KIAA1549L: variants seen among roughly 807,000 people sequenced by gnomAD.
KIAA1549L encodes the protein UPF0606 protein KIAA1549L.
In KIAA1549L, 88 loss-of-function variants were observed where a neutral mutation model predicts 160.7. The ratio of observed to expected loss-of-function variants is 0.55; its 90% CI spans 0.46 to 0.65. The LOEUF (loss-of-function observed/expected upper bound fraction) is 0.65, where lower values mean the gene tolerates loss of function less well. Ranked by LOEUF, KIAA1549L falls within the 30% of genes least tolerant of loss-of-function variation. The probability of loss-of-function intolerance (pLI) is 0.00; values close to 1 mark genes in which losing one functional copy is unlikely to be tolerated. For missense variants in KIAA1549L, 2,258 were observed against 2,437.5 expected (o/e 0.93, Z 1.55); for synonymous variants, 950 against 976.7 (o/e 0.97, Z 0.51).
intron 1 of KIAA1549L, among the ~76,000 whole-genome samples, chr11:33,524,194 A>G (rs552159907): frequency 2.0e-5 from 3 of 152,282 alleles, no homozygotes; most frequent in East Asian, 1.9e-4. Flanking sequence ...GATTTTGATT[A>G]TCGACATTAT....
chr11:33,610,894 A>C (rs1017696786), intron 15 of KIAA1549L, among the ~76,000 whole-genome samples: 2 of 152,244 alleles, frequency 1.3e-5, no homozygotes, highest in Non-Finnish European at 2.9e-5. Flanking sequence ...GCATCATCCC[A>C]TGGCAGAAGG....
chr11:33,669,223 A>T lies in KIAA1549L; in HGVS notation c.*1069A>T, dbSNP rs1852591578. ...AGCTGTTGAATTTCATTTAAATGTAAATAACCTTTTAAAAAGCGTATGGAG... is the reference window on the plus strand; with the variant it reads ...AGCTGTTGAATTTCATTTAAATGTATATAACCTTTTAAAAAGCGTATGGAG... On this transcript the variant is annotated 3_prime_UTR_variant, in exon 21 of 21. Coordinates refer to ENST00000658780, the MANE Select transcript of KIAA1549L (RefSeq NM_012194.3). 6.6e-6 allele frequency: 1 copy of T among 152,316 alleles called. No individual in the cohort carries two copies. The highest frequency in any genetic ancestry group is 2.1e-4 in the South Asian group (1 of 4,824). 9.4% of individuals were successfully genotyped at this position (152,316 alleles called of 1,614,324 possible).
At chr11:33,440,341 G>A (rs1046083998) in intron 1 of KIAA1549L, among the ~76,000 whole-genome samples, 3 of 150,320 alleles carry the variant, frequency 2.0e-5, no homozygotes, top group Non-Finnish European at 4.4e-5. Context: ...GTTTTTAGCC[G>A]GGATGGTCTC....
intron 1 of KIAA1549L, among the ~76,000 whole-genome samples, chr11:33,390,363 C>A (rs1329253440): frequency 6.6e-6 from 1 of 152,208 alleles, no homozygotes; most frequent in Non-Finnish European, 1.5e-5. Flanking sequence ...TGGAGACTGG[C>A]TTTTTCTGCT....
intron 1 of KIAA1549L, among the ~76,000 whole-genome samples, chr11:33,427,596 T>C (rs569402621): frequency 1.3e-4 from 20 of 152,310 alleles, no homozygotes; most frequent in African/African-American, 4.8e-4. Context: ...GGTTCCTCAC[T>C]TCCCAATTCT....
At chr11:33,518,213 T>C (rs1332569765) in intron 1 of KIAA1549L, among the ~76,000 whole-genome samples, 1 of 150,010 alleles carries the variant, frequency 6.7e-6, no homozygotes, top group Non-Finnish European at 1.5e-5. Context: ...TTAATCTATG[T>C]CTACAGTGGT....
At chr11:33,503,151 T>G (rs1293432157) in intron 1 of KIAA1549L, among the ~76,000 whole-genome samples, 1 of 152,220 alleles carries the variant, frequency 6.6e-6, no homozygotes, top group African/African-American at 2.4e-5. Context: ...TAGATATGTT[T>G]TAAACGTTTT....
At chr11:33,378,445 T>C (rs2761207) in intron 1 of KIAA1549L, among the ~76,000 whole-genome samples, 109,503 of 152,084 alleles carry the variant, frequency 0.72, 39,691 homozygotes, top group Middle Eastern at 0.8. Flanking sequence ...CAGAGCCTGA[T>C]TTAGAGGACT....
chr11:33,436,851 A>T (rs2615905), intron 1 of KIAA1549L, among the ~76,000 whole-genome samples: 37,651 of 152,052 alleles, frequency 0.25, 4,908 homozygotes, highest in East Asian at 0.33. Context: ...GGAGTCCAGT[A>T]CTGGGCTAAG....
At chr11:33,560,884 A>G (rs1476036686) in intron 7 of KIAA1549L, among the ~76,000 whole-genome samples, 1 of 152,216 alleles carries the variant, frequency 6.6e-6, no homozygotes, top group Non-Finnish European at 1.5e-5. Context: ...CGTCCACATA[A>G]TAAGGAAAGA....
intron 16 of KIAA1549L, among the ~76,000 whole-genome samples, chr11:33,630,484 G>A (rs543434445): frequency 9.9e-5 from 15 of 152,088 alleles, no homozygotes; most frequent in South Asian, 2.1e-4. Context: ...ATCTCCTGGT[G>A]CGCCATTTTT....
In KIAA1549L at chr11:33,671,771, G is replaced by T. The variant is rs1852681730; in HGVS notation, c.*3617G>T. 1 of 152,098 alleles carries T rather than the reference G, an allele frequency of 6.6e-6. No homozygotes were observed. The highest frequency in any genetic ancestry group is 1.5e-5 in the Non-Finnish European group (1 of 68,030). The allele number at this position is 152,098 out of a possible 1,614,324, so 9.4% of individuals were successfully genotyped here. ...TCCTTTTTTTCTACATAGCACACAG[G>T]TGCTCAACATTTAATGAATAATATA... On this transcript the variant is annotated 3_prime_UTR_variant, in exon 21 of 21. Coordinates refer to ENST00000658780, the MANE Select transcript of KIAA1549L (RefSeq NM_012194.3).
In KIAA1549L at chr11:33,672,795, A is replaced by G. The variant is rs1286267744; in HGVS notation, c.*4641A>G. 1.3e-5 allele frequency: 2 copies of G among 153,814 alleles called. No individual in the cohort carries two copies. Among genetic ancestry groups the G allele is most frequent in the East Asian group, 3.8e-4 (2 of 5,198 alleles). The allele number at this position is 153,814 out of a possible 1,614,324, so 9.5% of individuals were successfully genotyped here. The stretch of plus-strand genomic sequence containing the variant: ...GCTGGGTCTAGGAAGCGATTTCTGA[A>G]CAAGGCCCAGTTAGCACAATGTCTT... On this transcript the variant is annotated 3_prime_UTR_variant, in exon 21 of 21. Transcript: ENST00000658780.
intron 16 of KIAA1549L, among the ~76,000 whole-genome samples, chr11:33,631,334 T>A (rs1057408799): frequency 1.3e-5 from 2 of 152,124 alleles, no homozygotes; most frequent in African/African-American, 2.4e-5. Context: ...TCCCCAAACT[T>A]GTCCTGTGGT....
chr11:33,475,750 A>C (rs964899451), intron 1 of KIAA1549L, among the ~76,000 whole-genome samples: 3 of 151,878 alleles, frequency 2.0e-5, no homozygotes, highest in Non-Finnish European at 4.4e-5. Flanking sequence ...CCAGCTGCTC[A>C]GAAGGCTGAG....
intron 1 of KIAA1549L, among the ~76,000 whole-genome samples, chr11:33,437,417 G>C (rs780329429): frequency 8.5e-5 from 13 of 152,236 alleles, no homozygotes; most frequent in Admixed American, 2.0e-4. Context: ...CTCTGATGAA[G>C]ATCGAAGAGC....
In KIAA1549L at chr11:33,574,886, T is replaced by G. The variant is rs771713225; in HGVS notation, c.4402+13T>G. ...CTGCAAGCTGACCGTAAGGGAATGG[T>G]CTTTTTATTCAGTCTTTTTAATGCC... On this transcript the variant is annotated intron_variant, in intron 10 of 20. Transcript: ENST00000658780. 3 of 1,605,694 alleles carry G rather than the reference T, an allele frequency of 1.9e-6. No individual in the cohort carries two copies. The highest frequency in any genetic ancestry group is 1.1e-5 in the South Asian group (1 of 90,000).
chr11:33,622,679 G>T (rs534776039), intron 16 of KIAA1549L, among the ~76,000 whole-genome samples: 1 of 152,240 alleles, frequency 6.6e-6, no homozygotes, highest in South Asian at 2.1e-4. Flanking sequence ...AGCCTCAACA[G>T]TACAGGAATG....
In KIAA1549L at chr11:33,608,671, C is replaced by A. The variant is rs1238023186; in HGVS notation, c.5062-1078C>A. Among the ~76,000 whole-genome samples the A allele has an allele frequency of 2.0e-5, 3 of 152,340 alleles. No individual in the cohort carries two copies. In the South Asian group the frequency reaches 6.2e-4, roughly 32 times the overall value. ...ATCTGGGATAGATTCAATTTATCAC[C>A]CCCTTTTCCTCCCAGGCCCATCACC... On this transcript the variant is annotated intron_variant, in intron 14 of 20. Transcript: ENST00000658780.
Sources: gnomAD v4.1 joint callset for allele counts (sites outside exome capture counted in the v4.1 genomes callset) on GRCh38, gnomAD v4.1.1 for gene constraint, MANE v1.5 for transcripts, NCBI Gene and HGNC (gene_info 2026-07-23, HGNC 2026-07-21) for gene names.